ALDH5A1: variants seen among roughly 807,000 people sequenced by gnomAD.
ALDH5A1 encodes the protein aldehyde dehydrogenase 5 family member A1, also known as succinate-semialdehyde dehydrogenase, mitochondrial.
A neutral mutation model predicts 54.7 loss-of-function variants in ALDH5A1; 33 were observed. That is an observed-to-expected ratio of 0.60 (90% confidence interval 0.46 to 0.81). The LOEUF (loss-of-function observed/expected upper bound fraction) is 0.81, where lower values mean the gene tolerates loss of function less well. Ranked by LOEUF, ALDH5A1 falls within the 30% of genes least tolerant of loss-of-function variation. The pLI, the probability that ALDH5A1 is intolerant of heterozygous loss-of-function variation, is 0.00. For synonymous variants in ALDH5A1, 294 were observed against 292.7 expected, an observed-to-expected ratio of 1.00 and a Z score of -0.05; for missense variants, 657 against 711.0, an observed-to-expected ratio of 0.92 and a Z score of 0.86.
At chr6:24,513,246 G>A (rs373714415) in intron 4 of ALDH5A1, among the ~76,000 whole-genome samples, 20 of 151,456 alleles carry the variant, frequency 1.3e-4, no homozygotes, top group Non-Finnish European at 2.1e-4. Flanking sequence ...TTATTTTTTC[G>A]TAGAGATAGG....
In ALDH5A1 at chr6:24,515,204, A is replaced by G. The variant is rs145087265; in HGVS notation, c.764A>G (p.Asn255Ser). 5.0e-5 allele frequency: 80 copies of G among 1,611,604 alleles called. No homozygotes were observed. The highest frequency in any genetic ancestry group is 1.6e-4 in the African/African-American group (12 of 74,024). The change falls in exon 5 of 10, where the codon AAT becomes AGT. Residue 255 changes from asparagine to serine, a missense_variant. This residue lies in a region of ALDH5A1 where 425 missense variants were observed against 516.4 expected (regional missense o/e 0.82). Coordinates refer to ENST00000357578, the MANE Select transcript of ALDH5A1 (RefSeq NM_001080.3). ...GCTGGGATTCCTTCAGGTGTATACA[A>G]TGTTATTCCCTGTTCTCGAAAGAAT... ...SQAGIPSGVY[N>S]VIPCSRKNAK...
chr6:24,534,778 T>A lies in ALDH5A1; in HGVS notation c.*1066T>A, dbSNP rs1760011826. The A allele has an allele frequency of 6.6e-6, 1 of 152,290 alleles. No individual in the cohort carries two copies. Among genetic ancestry groups the A allele is most frequent in the African/African-American group, 2.4e-5 (1 of 41,454 alleles). The allele number at this position is 152,290 out of a possible 1,614,324, so 9.4% of individuals were successfully genotyped here. ...CGACCTGAGCCTGAGTAAGTGGCTG[T>A]CACCTGAGCCTGTTCTTTCTGTCCT... On this transcript the variant is annotated 3_prime_UTR_variant, in exon 10 of 10. Transcript: ENST00000357578.
chr6:24,529,670 G>GGTT (rs1759890109), intron 8 of ALDH5A1, among the ~76,000 whole-genome samples: 1 of 86,328 alleles, frequency 1.2e-5, no homozygotes, highest in Non-Finnish European at 2.1e-5. Flanking sequence ...TTTGGTTTGG[G>GGTT]TTTTTTTTTT....
At position 24,515,216 on chromosome 6, in the gene ALDH5A1, G is replaced by C. The variant is rs1382337371; in HGVS notation, c.776G>C (p.Cys259Ser). The C allele has an allele frequency of 3.7e-6, 6 of 1,606,812 alleles. No individual in the cohort carries two copies. Among genetic ancestry groups the C allele is most frequent in the African/African-American group, 1.4e-5 (1 of 72,874 alleles). Residue 259 changes from cysteine to serine, a missense_variant, in exon 5 of 10, where the codon TGT becomes TCT. Physicochemically the swap from Cys to Ser is moderately radical, Grantham distance 112 (BLOSUM62 -1). Coordinates refer to ENST00000357578, the MANE Select transcript of ALDH5A1 (RefSeq NM_001080.3). ...TCAGGTGTATACAATGTTATTCCCT[G>C]TTCTCGAAAGAATGCCAAGGAAGTA... ...IPSGVYNVIPCSRKNAKEVGE... is the reference protein window; with the variant it reads ...IPSGVYNVIPSSRKNAKEVGE...
intron 3 of ALDH5A1, 92 bp from the exon 4 acceptor site, chr6:24,504,777 G>T: frequency 7.8e-7 from 1 of 1,278,632 alleles, no homozygotes; most frequent in Non-Finnish European, 1.1e-6. Flanking sequence ...GTTGTGCAAT[G>T]AAATTTGTTC....
At chr6:24,526,930 C>CTA (rs1183856865) in intron 7 of ALDH5A1, among the ~76,000 whole-genome samples, 67 of 100,458 alleles carry the variant, frequency 6.7e-4, no homozygotes, top group East Asian at 1.5e-3. Context: ...TATATATCTA[C>CTA]TATATATTCT....
intron 8 of ALDH5A1, among the ~76,000 whole-genome samples, chr6:24,530,751 T>C (rs1461753954): frequency 6.6e-6 from 1 of 152,244 alleles, no homozygotes; most frequent in African/African-American, 2.4e-5. Flanking sequence ...TTGTTTCCCA[T>C]GGCTGGTGTA....
chr6:24,533,414 G>A (rs1759973103), intron 9 of ALDH5A1, 93 bp from the exon 10 acceptor site: 1 of 1,371,282 alleles, frequency 7.3e-7, no homozygotes, highest in Non-Finnish European at 1.0e-6. Flanking sequence ...CCAAGTGGCT[G>A]GACAAAAAGT....
At chr6:24,502,405 A>AT in intron 1 of ALDH5A1, 118 bp from the exon 2 acceptor site, 1 of 839,034 alleles carries the variant, frequency 1.2e-6, no homozygotes, top group Non-Finnish European at 2.0e-6. Flanking sequence ...AAAATTAACC[A>AT]TTACAACCAA....
intron 4 of ALDH5A1, among the ~76,000 whole-genome samples, chr6:24,511,436 T>G (rs1225659815): frequency 2.0e-5 from 3 of 152,210 alleles, no homozygotes; most frequent in African/African-American, 7.2e-5. Context: ...TAGAATTCTC[T>G]TCTTCCTCAG....
At chr6:24,525,144 G>GA (rs1759776028) in intron 7 of ALDH5A1, among the ~76,000 whole-genome samples, 3 of 152,140 alleles carry the variant, frequency 2.0e-5, no homozygotes, top group South Asian at 2.1e-4. Flanking sequence ...TGGGTTCTAG[G>GA]AAAAAAACAC....
chr6:24,535,139 G>C lies in ALDH5A1; in HGVS notation c.*1427G>C, dbSNP rs1259020770. On this transcript the variant is annotated 3_prime_UTR_variant, in exon 10 of 10. Transcript: ENST00000357578. ...TGTGTAGACTCCACTTACATCTTGT[G>C]GTTATTCTGGGTTGTGGAAGGAAAA... The C allele has an allele frequency of 3.3e-5, 5 of 151,986 alleles. No homozygotes were observed. The highest frequency in any genetic ancestry group is 6.5e-5 in the Admixed American group (1 of 15,268). The allele number at this position is 151,986 out of a possible 1,614,324, so 9.4% of individuals were successfully genotyped here.
intron 4 of ALDH5A1, among the ~76,000 whole-genome samples, chr6:24,506,543 G>A (rs868815796): frequency 2.0e-5 from 3 of 151,910 alleles, no homozygotes; most frequent in African/African-American, 4.8e-5. Flanking sequence ...GAGCCACCAC[G>A]CTCGGCCTCT....
At chr6:24,528,200 AAG>A in intron 8 of ALDH5A1, 34 bp downstream of exon 8, 1 of 1,612,050 alleles carries the variant, frequency 6.2e-7, no homozygotes, top group South Asian at 1.1e-5. Flanking sequence ...AGATGGGAGG[AAG>A]AATAGAAGAG....
chr6:24,504,874 T>C lies in ALDH5A1; in HGVS notation c.615T>C (p.Asn205=), dbSNP rs1759307160. ...IGVAAVITPW[N]FPSAMITRKV... ...CTCTGCTCTTCTAACCCCAGTGGAA[T>C]TTCCCCAGTGCCATGATCACCCGGA... Residue 205 remains asparagine, a synonymous_variant, in exon 4 of 10, where the codon AAT becomes AAC. Transcript: ENST00000357578. The C allele has an allele frequency of 1.2e-6, 2 of 1,614,016 alleles. No homozygotes were observed. Among genetic ancestry groups the C allele is most frequent in the Admixed American group, 1.7e-5 (1 of 59,998 alleles).
At position 24,535,003 on chromosome 6, in the gene ALDH5A1, C is replaced by T. The variant is rs1025645433; in HGVS notation, c.*1291C>T. ...CACAAAAAACAAAAGCCGCTATGACCGGCGTTGCCTCTCACTTTGAAAGAA... is the reference window on the plus strand; with the variant it reads ...CACAAAAAACAAAAGCCGCTATGACTGGCGTTGCCTCTCACTTTGAAAGAA... On this transcript the variant is annotated 3_prime_UTR_variant, in exon 10 of 10. Coordinates refer to ENST00000357578, the MANE Select transcript of ALDH5A1 (RefSeq NM_001080.3). 4 of 152,330 alleles carry T rather than the reference C, an allele frequency of 2.6e-5. No individual in the cohort carries two copies. Among genetic ancestry groups the T allele is most frequent in the South Asian group, 2.1e-4 (1 of 4,824 alleles). 9.4% of individuals were successfully genotyped at this position (152,330 alleles called of 1,614,324 possible).
chr6:24,515,444 G>A, intron 5 of ALDH5A1, 134 bp downstream of exon 5: 1 of 1,078,690 alleles, frequency 9.3e-7, no homozygotes. Flanking sequence ...TCTGTCGCAG[G>A]CCAAGCACGG....
chr6:24,509,393 T>C lies in ALDH5A1; in HGVS notation c.726+4408T>C, dbSNP rs948436834. ...GAGGATTCCCTCTTTCTCTATCTTG[T>C]GGAATAGTGTCAATAGGATTGATAC... On this transcript the variant is annotated intron_variant, in intron 4 of 9. Coordinates refer to ENST00000357578, the MANE Select transcript of ALDH5A1 (RefSeq NM_001080.3). This position sits in a 1 kb window ranked among gnomAD's most constrained non-coding sequence, Gnocchi z 4.7. Among the ~76,000 whole-genome samples the C allele has an allele frequency of 2.6e-5, 4 of 152,234 alleles. No homozygotes were observed. Among genetic ancestry groups the C allele is most frequent in the African/African-American group, 7.2e-5 (3 of 41,464 alleles).
chr6:24,522,070 T>C (rs1759694543), intron 6 of ALDH5A1, among the ~76,000 whole-genome samples: 1 of 152,028 alleles, frequency 6.6e-6, no homozygotes, highest in Non-Finnish European at 1.5e-5. Context: ...AGTCTCGAAC[T>C]CCTGACCTTA....
Sources: gnomAD v4.1 joint callset for allele counts (sites outside exome capture counted in the v4.1 genomes callset) on GRCh38, gnomAD v4.1.1 for gene constraint, gnomAD v4.1.1 regional missense constraint, Gnocchi (gnomAD v3.1) non-coding constraint, MANE v1.5 for transcripts, NCBI Gene and HGNC (gene_info 2026-07-23, HGNC 2026-07-21) for gene names.